The following PDLIM5 variants were observed in gnomAD, a reference collection of about 807,000 sequenced individuals.
PDLIM5 encodes the protein PDZ and LIM domain 5.
A neutral mutation model predicts 64.2 loss-of-function variants in PDLIM5; 34 were observed. The ratio of observed to expected loss-of-function variants is 0.53; its 90% CI spans 0.40 to 0.71. The LOEUF (loss-of-function observed/expected upper bound fraction) is 0.71, where lower values mean the gene tolerates loss of function less well. Among genes scored for constraint, PDLIM5 ranks in the 30% least tolerant of loss-of-function variants. The pLI, the probability that PDLIM5 is intolerant of heterozygous loss-of-function variation, is 0.00. For missense variants in PDLIM5, 683 were observed against 733.6 expected (o/e 0.93, Z 0.80); for synonymous variants, 253 against 269.1 (o/e 0.94, Z 0.59).
chr4:94,591,780 C>T (rs879789260), intron 7 of PDLIM5, among the ~76,000 whole-genome samples: 17 of 152,228 alleles, frequency 1.1e-4, no homozygotes, highest in Admixed American at 1.3e-4. Flanking sequence ...TTCCCCTTCA[C>T]GGTTGTTGAC....
At chr4:94,552,299 A>T (rs984386749) in intron 3 of PDLIM5, among the ~76,000 whole-genome samples, 1 of 152,150 alleles carries the variant, frequency 6.6e-6, no homozygotes, top group African/African-American at 2.4e-5. Context: ...AGTATAATTT[A>T]AAAATATCTA....
intron 8 of PDLIM5, 115 bp downstream of exon 8, chr4:94,618,306 T>C (rs1578480549): frequency 1.7e-6 from 1 of 601,930 alleles, no homozygotes; most frequent in East Asian, 3.2e-5. Context: ...TAACCTAAGA[T>C]TTAGAAAGGA....
At chr4:94,659,482 ATATATGTG>A (rs1428110580) in intron 11 of PDLIM5, among the ~76,000 whole-genome samples, 2 of 133,650 alleles carry the variant, frequency 1.5e-5, no homozygotes, top group South Asian at 4.7e-4. Context: ...CAGCTGTAGT[ATATATGTG>A]TGTATGTGTG....
At chr4:94,606,718 A>T (rs559238517) in intron 7 of PDLIM5, among the ~76,000 whole-genome samples, 38 of 152,064 alleles carry the variant, frequency 2.5e-4, no homozygotes, top group Non-Finnish European at 4.6e-4. Flanking sequence ...GGGTCAGCAA[A>T]TTTTTTTCTG....
chr4:94,616,687 T>C (rs180807889), intron 7 of PDLIM5, among the ~76,000 whole-genome samples: 1 of 152,310 alleles, frequency 6.6e-6, no homozygotes, highest in Non-Finnish European at 1.5e-5. Flanking sequence ...TATAGCGTGT[T>C]TTATCATCAA....
rs1222781302 is a variant in PDLIM5 at position 94,632,057 on chromosome 4, GCGC to G, written c.1109-8217_1109-8215del. On this transcript the variant is annotated intron_variant, in intron 8 of 12. Transcript: ENST00000317968. ...CCACTGTGAACACACGCATAGCGTA[GCGC>G]CTGCCGCATTACAGGCTCTTAGCAT... Among the ~76,000 whole-genome samples, 54 of 152,368 alleles carry G rather than the reference GCGC, an allele frequency of 3.5e-4. No homozygotes were observed. In the South Asian group the frequency reaches 4.1e-3, roughly 12 times the overall value.
At chr4:94,654,997 C>A (rs1247290258) in intron 10 of PDLIM5, among the ~76,000 whole-genome samples, 5 of 152,130 alleles carry the variant, frequency 3.3e-5, no homozygotes, top group African/African-American at 1.2e-4. Flanking sequence ...AGAACTGACA[C>A]CTTCACTGTT....
intron 8 of PDLIM5, among the ~76,000 whole-genome samples, chr4:94,630,797 A>T (rs1366542455): frequency 1.3e-5 from 2 of 152,308 alleles, no homozygotes; most frequent in South Asian, 4.2e-4. Flanking sequence ...TTGTCCCCAT[A>T]ACTTTCTTTG....
At chr4:94,597,496 A>G (rs1233581785) in intron 7 of PDLIM5, among the ~76,000 whole-genome samples, 1 of 152,176 alleles carries the variant, frequency 6.6e-6, no homozygotes, top group African/African-American at 2.4e-5. Flanking sequence ...GATGTCGTCA[A>G]GGGTGATGGT....
intron 10 of PDLIM5, among the ~76,000 whole-genome samples, chr4:94,656,416 C>A (rs1215816861): frequency 6.6e-6 from 1 of 151,986 alleles, no homozygotes; most frequent in Non-Finnish European, 1.5e-5. Context: ...GTATGTTTAA[C>A]CATTGGGCCA....
intron 3 of PDLIM5, among the ~76,000 whole-genome samples, chr4:94,545,618 A>G (rs1291615622): frequency 6.6e-6 from 1 of 152,204 alleles, no homozygotes. Context: ...TCTTCTTAAG[A>G]GCACTGTATT....
rs185329953 is a variant in PDLIM5, at chr4:94,638,218, C to G, written c.1109-2058C>G. On this transcript the variant is annotated intron_variant, in intron 8 of 12. Coordinates refer to ENST00000317968, the MANE Select transcript of PDLIM5 (RefSeq NM_006457.5). ...CCTGGATAAAGAAATTAAAGATGCA[C>G]AGAGGTAAGAGTTGGGCTGTGTGAG... is the stretch of plus-strand genomic sequence containing the variant. Among the ~76,000 whole-genome samples the G allele has an allele frequency of 2.0e-5, 3 of 152,274 alleles. No individual in the cohort carries two copies. The East Asian group carries it at 5.8e-4, about 29-fold the overall frequency.
chr4:94,505,531 G>A (rs527802246), intron 2 of PDLIM5, among the ~76,000 whole-genome samples: 2 of 152,152 alleles, frequency 1.3e-5, no homozygotes, highest in African/African-American at 4.8e-5. Flanking sequence ...CAAAGTGCTG[G>A]GATTACAGGC....
chr4:94,587,494 A>T, intron 7 of PDLIM5: 1 of 894,782 alleles, frequency 1.1e-6, no homozygotes, highest in Non-Finnish European at 1.3e-6. Context: ...ATCTCCCAAG[A>T]TTACTTTTTA....
chr4:94,523,870 G>A lies in PDLIM5; in HGVS notation c.243G>A (p.Leu81=). The change falls in exon 3 of 13, where the codon CTG becomes CTA. Residue 81 remains leucine (L), a synonymous_variant. Coordinates refer to ENST00000317968, the MANE Select transcript of PDLIM5 (RefSeq NM_006457.5). ...GTACAGGCTCTTTGAATATGACTCT[G>A]CAAAGGTAAGTTGCTTTTTGTTTGT... ...KGCTGSLNMT[L]QRASAAPKPE... The A allele has an allele frequency of 4.3e-6, 7 of 1,610,180 alleles. No individual in the cohort carries two copies. The highest frequency in any genetic ancestry group is 5.9e-6 in the Non-Finnish European group (7 of 1,177,566).
At chr4:94,579,525 C>T (rs1434272321) in intron 5 of PDLIM5, 1 of 1,371,024 alleles carries the variant, frequency 7.3e-7, no homozygotes, top group Non-Finnish European at 1.0e-6. Context: ...TTGCAGAAAA[C>T]ACAAGTGACA....
intron 7 of PDLIM5, among the ~76,000 whole-genome samples, chr4:94,591,624 TA>T (rs919936260): frequency 3.3e-5 from 5 of 152,162 alleles, no homozygotes; most frequent in Non-Finnish European, 7.3e-5. Context: ...GAGAGGGAAG[TA>T]AAAAACCTGG....
intron 2 of PDLIM5, among the ~76,000 whole-genome samples, chr4:94,504,045 C>T: frequency 6.6e-6 from 1 of 152,040 alleles, no homozygotes. Context: ...GCTAGGAGAC[C>T]TCCTACTCCC....
chr4:94,595,292 C>T (rs1026366606), intron 7 of PDLIM5, among the ~76,000 whole-genome samples: 1 of 152,150 alleles, frequency 6.6e-6, no homozygotes, highest in Non-Finnish European at 1.5e-5. Context: ...ATATGGCTTC[C>T]CAATTGTCAA....
Sources: gnomAD v4.1 joint callset for allele counts (sites outside exome capture counted in the v4.1 genomes callset) on GRCh38, gnomAD v4.1.1 for gene constraint, MANE v1.5 for transcripts, NCBI Gene and HGNC (gene_info 2026-07-23, HGNC 2026-07-21) for gene names.